The following DUSP5 variants were observed in gnomAD, a reference collection of about 807,000 sequenced individuals.
DUSP5 encodes the protein dual specificity protein phosphatase 5.
DUSP5 carries 22 observed loss-of-function variants against 33.6 expected under a neutral mutation model. That is an observed-to-expected ratio of 0.66 (90% confidence interval 0.47 to 0.94). DUSP5 has a LOEUF of 0.94. Ranked by LOEUF, DUSP5 falls within the 40% of genes least tolerant of loss-of-function variation. The pLI is 0.00. For synonymous variants in DUSP5, 270 were observed against 231.1 expected (o/e 1.17, Z -1.53); for missense variants, 551 against 522.1 (o/e 1.06, Z -0.54).
intron 1 of DUSP5, among the ~76,000 whole-genome samples, chr10:110,502,170 CT>C: frequency 1.2e-3 from 1 of 834 alleles, no homozygotes. Context: ...CAGCAGTGTT[CT>C]TCTTAGCACC....
chr10:110,497,931 G>T lies in DUSP5; in HGVS notation c.-191G>T, dbSNP rs1859974528. The T allele has an allele frequency of 2.1e-5, 6 of 284,080 alleles. No individual in the cohort carries two copies. Among genetic ancestry groups the T allele is most frequent in the Non-Finnish European group, 3.2e-5 (6 of 189,060 alleles). 17.6% of individuals were successfully genotyped at this position (284,080 alleles called of 1,614,324 possible). A position where few individuals can be genotyped will look rare whatever the true frequency, so the allele number is the denominator to read the frequency against. On this transcript the variant is annotated 5_prime_UTR_variant, in exon 1 of 4. Transcript: ENST00000369583. Reference sequence around the variant, plus strand: ...CGGCTTCTAGGGCGGCGAGCGGCCGGGCTGGCTATCGAGCGAGCGGGGCGG... The same window carrying T: ...CGGCTTCTAGGGCGGCGAGCGGCCGTGCTGGCTATCGAGCGAGCGGGGCGG...
intron 3 of DUSP5, among the ~76,000 whole-genome samples, chr10:110,508,686 A>G (rs1338656744): frequency 6.6e-6 from 1 of 152,228 alleles, no homozygotes. Flanking sequence ...GTTAAAAGCT[A>G]AACTTTGAAG....
intron 3 of DUSP5, among the ~76,000 whole-genome samples, chr10:110,507,559 T>TA (rs1018114301): frequency 2.6e-5 from 4 of 152,178 alleles, no homozygotes; most frequent in Non-Finnish European, 4.4e-5. Flanking sequence ...GAGCACTACT[T>TA]ACGCACTGAG....
rs760667810 is a variant in DUSP5, at chr10:110,498,106, C to G, written c.-16C>G. The G allele has an allele frequency of 7.8e-7, 1 of 1,276,374 alleles. No homozygotes were observed. Among genetic ancestry groups the G allele is most frequent in the South Asian group, 2.0e-5 (1 of 49,564 alleles). The allele number at this position is 1,276,374 out of a possible 1,614,324, so 79.1% of individuals were successfully genotyped here. On this transcript the variant is annotated 5_prime_UTR_variant, in exon 1 of 4. Coordinates refer to ENST00000369583, the MANE Select transcript of DUSP5 (RefSeq NM_004419.4). The stretch of plus-strand genomic sequence containing the variant: ...GGGCGCGCGGCGCGGGGCCGCTGGC[C>G]GGCGGCGGCGGCGGCATGAAGGTCA...
At position 110,498,340 on chromosome 10, in the gene DUSP5, G is replaced by A; in HGVS notation, c.219G>A (p.Ala73=). ...TGCTGCCCGACGAGGCGGCGCGCGC[G>A]CGGCTCCTGCAGGAGGGCGGCGGCG... ...RYVLPDEAAR[A]RLLQEGGGGV... Residue 73 remains alanine (A), a synonymous_variant, in exon 1 of 4, where the codon GCG becomes GCA. Coordinates refer to ENST00000369583, the MANE Select transcript of DUSP5 (RefSeq NM_004419.4). 7.5e-7 allele frequency: 1 copy of A among 1,340,454 alleles called. No homozygotes were observed. Among genetic ancestry groups the A allele is most frequent in the South Asian group, 2.0e-5 (1 of 50,196 alleles). The allele number at this position is 1,340,454 out of a possible 1,614,324, so 83.0% of individuals were successfully genotyped here. A position where few individuals can be genotyped will look rare whatever the true frequency, so the allele number is the denominator to read the frequency against.
intron 2 of DUSP5, 44 bp from the exon 3 acceptor site, chr10:110,506,891 A>G (rs180840558): frequency 1.9e-6 from 3 of 1,594,604 alleles, no homozygotes; most frequent in African/African-American, 2.7e-5. Flanking sequence ...CAAATGAACA[A>G]GCTAATCCAA....
chr10:110,507,507 G>A (rs903508197), intron 3 of DUSP5, among the ~76,000 whole-genome samples: 4 of 152,202 alleles, frequency 2.6e-5, no homozygotes, highest in African/African-American at 9.6e-5. Context: ...GTGCTTCTAC[G>A]TAGGTTGGGT....
chr10:110,498,316 G>A lies in DUSP5; in HGVS notation c.195G>A (p.Val65=). ...GCGGCGCGGTGTCGGCGCGCTACGT[G>A]CTGCCCGACGAGGCGGCGCGCGCGC... ...ARGGAVSARY[V]LPDEAARARL... The change falls in exon 1 of 4, where the codon GTG becomes GTA. Residue 65 remains valine, a synonymous_variant. Transcript: ENST00000369583. 1 of 1,394,934 alleles carries A rather than the reference G, an allele frequency of 7.2e-7. No individual in the cohort carries two copies. The highest frequency in any genetic ancestry group is 9.3e-7 in the Non-Finnish European group (1 of 1,076,504). The allele number at this position is 1,394,934 out of a possible 1,614,324, so 86.4% of individuals were successfully genotyped here. A position where few individuals can be genotyped will look rare whatever the true frequency, so the allele number is the denominator to read the frequency against.
chr10:110,502,582 T>A, intron 1 of DUSP5, 139 bp from the exon 2 acceptor site: 1 of 1,025,352 alleles, frequency 9.8e-7, no homozygotes, highest in Non-Finnish European at 1.4e-6. Flanking sequence ...TTGCTCAATT[T>A]TTAATGACCA....
At chr10:110,509,349 G>A (rs928955409) in intron 3 of DUSP5, among the ~76,000 whole-genome samples, 5 of 152,308 alleles carry the variant, frequency 3.3e-5, no homozygotes, top group East Asian at 1.9e-4. Flanking sequence ...TATATCCTCC[G>A]TCTAGTAGGC....
intron 2 of DUSP5, among the ~76,000 whole-genome samples, chr10:110,506,182 C>A (rs929184560): frequency 6.6e-6 from 1 of 152,114 alleles, no homozygotes; most frequent in Admixed American, 6.5e-5. Flanking sequence ...ATAATCCCAG[C>A]ACTTCAGGAG....
At chr10:110,498,560 C>G (rs1262145546) in intron 1 of DUSP5, 60 bp downstream of exon 1, 1 of 1,370,176 alleles carries the variant, frequency 7.3e-7, no homozygotes, top group Admixed American at 3.4e-5. Flanking sequence ...CCCCTCCCTG[C>G]GCCGGGGCGC....
At position 110,502,621 on chromosome 10, in the gene DUSP5, A is replaced by T; in HGVS notation, c.380-100A>T. 5.0e-6 allele frequency: 7 copies of T among 1,392,750 alleles called. No individual in the cohort carries two copies. In the Admixed American group the frequency reaches 1.1e-4, roughly 23 times the overall value. 86.3% of individuals were successfully genotyped at this position (1,392,750 alleles called of 1,614,324 possible). ...TCTGTACTGGCTTATTTTTTTTCTT[A>T]ACTGTGTAACACTCAGAGTATTGAT... On this transcript the variant is annotated intron_variant, in intron 1 of 3. Coordinates refer to ENST00000369583, the MANE Select transcript of DUSP5 (RefSeq NM_004419.4).
chr10:110,500,509 A>G (rs971573686), intron 1 of DUSP5, among the ~76,000 whole-genome samples: 1 of 152,178 alleles, frequency 6.6e-6, no homozygotes, highest in Non-Finnish European at 1.5e-5. Context: ...TGCAGATAGG[A>G]GTTCAGGTTT....
In DUSP5 at chr10:110,510,111, G is replaced by C; in HGVS notation, c.840G>C (p.Lys280Asn). ...SPTICMAYLM[K>N]TKQFRLKEAF... ...CCATCTGCATGGCTTACCTTATGAA[G>C]ACCAAGCAGTTCCGCCTGAAGGAGG... The change falls in exon 4 of 4, where the codon AAG (lysine) becomes AAC (asparagine). Residue 280 changes from lysine to asparagine, a missense_variant. By Grantham distance (94) the Lys-to-Asn change is moderately conservative. Transcript: ENST00000369583. 2.5e-6 allele frequency: 4 copies of C among 1,614,220 alleles called. No individual in the cohort carries two copies. The highest frequency in any genetic ancestry group is 3.4e-6 in the Non-Finnish European group (4 of 1,180,046).
Position 110,507,042 on chromosome 10 carries a change from C to T in DUSP5, c.636C>T (p.Ser212=), listed in dbSNP as rs1860127196. ...ACATCACAGCCCTGCTGAATGTCTC[C>T]CGACGGACCTCCGAGGCCTGCGCGA... ...NLHITALLNV[S]RRTSEACATH... is the part of the protein sequence containing the mutation. The change falls in exon 3 of 4, where the codon TCC becomes TCT. Residue 212 remains serine, a synonymous_variant. Transcript: ENST00000369583. 2 of 1,614,270 alleles carry T rather than the reference C, an allele frequency of 1.2e-6. No homozygotes were observed. The highest frequency in any genetic ancestry group is 2.7e-5 in the African/African-American group (2 of 75,072).
chr10:110,499,633 C>T (rs777052366), intron 1 of DUSP5, among the ~76,000 whole-genome samples: 1 of 152,240 alleles, frequency 6.6e-6, no homozygotes, highest in Non-Finnish European at 1.5e-5. Context: ...GTTCCCCTCT[C>T]TGCTAGCACC....
At chr10:110,499,434 A>T (rs1046859265) in intron 1 of DUSP5, among the ~76,000 whole-genome samples, 1 of 152,294 alleles carries the variant, frequency 6.6e-6, no homozygotes, top group South Asian at 2.1e-4. Context: ...GACCTGACCC[A>T]CATGTAGAGA....
rs1282270714 is a variant in DUSP5 at position 110,497,934 on chromosome 10, T to C, written c.-188T>C. 1.0e-5 allele frequency: 3 copies of C among 294,706 alleles called. No homozygotes were observed. The highest frequency in any genetic ancestry group is 3.5e-4 in the East Asian group (2 of 5,708). The allele number at this position is 294,706 out of a possible 1,614,324, so 18.3% of individuals were successfully genotyped here. On this transcript the variant is annotated 5_prime_UTR_variant, in exon 1 of 4. Transcript: ENST00000369583. The stretch of plus-strand genomic sequence containing the variant: ...CTTCTAGGGCGGCGAGCGGCCGGGC[T>C]GGCTATCGAGCGAGCGGGGCGGGAA...
Sources: gnomAD v4.1 joint callset for allele counts (sites outside exome capture counted in the v4.1 genomes callset) on GRCh38, gnomAD v4.1.1 for gene constraint, MANE v1.5 for transcripts, NCBI Gene and HGNC (gene_info 2026-07-23, HGNC 2026-07-21) for gene names.